ATP10A: variants seen among roughly 807,000 people sequenced by gnomAD.
The protein encoded by ATP10A is phospholipid-transporting ATPase VA.
In ATP10A, 111 loss-of-function variants were observed where a neutral mutation model predicts 147.8. The observed-to-expected ratio is 0.75, with a 90% CI of 0.64 to 0.88. The LOEUF is 0.88. ATP10A is among the 40% of genes least tolerant of loss of function. The pLI is 0.00. For synonymous variants in ATP10A, 875 were observed against 841.6 expected, an observed-to-expected ratio of 1.04 and a Z score of -0.69; for missense variants, 1,927 against 1,959.0, an observed-to-expected ratio of 0.98 and a Z score of 0.31.
chr15:25,829,233 C>T (rs1892250562), intron 1 of ATP10A, among the ~76,000 whole-genome samples: 4 of 152,116 alleles, frequency 2.6e-5, no homozygotes, highest in South Asian at 2.1e-4. Flanking sequence ...GGGGAAGGTT[C>T]GTTCAAACCT....
rs552003057 is a variant in ATP10A at position 25,809,349 on chromosome 15, T to C, written c.450-28126A>G. Among the ~76,000 whole-genome samples the C allele has an allele frequency of 2.0e-5, 3 of 152,268 alleles. No homozygotes were observed. The East Asian group carries it at 5.8e-4, about 29-fold the overall frequency. On this transcript the variant is annotated intron_variant, in intron 1 of 20. Transcript: ENST00000555815. ...AAACCTTCAGACACGGCTTACTGCATGGTGGAGGAATGGAGAACATGCATT... is the reference window on the plus strand; with the variant it reads ...AAACCTTCAGACACGGCTTACTGCACGGTGGAGGAATGGAGAACATGCATT...
intron 15 of ATP10A, among the ~76,000 whole-genome samples, chr15:25,689,937 T>C (rs925355061): frequency 1.3e-5 from 2 of 152,350 alleles, no homozygotes; most frequent in Admixed American, 6.5e-5. Flanking sequence ...ATGAGGTCAA[T>C]AGGCACTGCC....
chr15:25,803,502 T>G (rs1285192244), intron 1 of ATP10A, among the ~76,000 whole-genome samples: 1 of 152,160 alleles, frequency 6.6e-6, no homozygotes, highest in East Asian at 1.9e-4. Context: ...AGAACTGAAA[T>G]GAGGAGCCCA....
chr15:25,724,164 G>T, intron 5 of ATP10A, 143 bp from the exon 6 acceptor site: 1 of 888,878 alleles, frequency 1.1e-6, no homozygotes. Flanking sequence ...ATGTCAGAAA[G>T]CGAAAACACA....
At chr15:25,795,599 T>C (rs1285943833) in intron 1 of ATP10A, among the ~76,000 whole-genome samples, 1 of 152,218 alleles carries the variant, frequency 6.6e-6, no homozygotes, top group Admixed American at 6.5e-5. Flanking sequence ...GTAGGGGTAC[T>C]TGCTTTCCCA....
intron 1 of ATP10A, 126 bp from the exon 2 acceptor site, chr15:25,781,349 A>G: frequency 1.2e-6 from 1 of 812,840 alleles, no homozygotes; most frequent in Non-Finnish European, 1.9e-6. Context: ...TTTTGATAAT[A>G]AACAGGTGTT....
chr15:25,863,251 G>T lies in ATP10A; in HGVS notation c.-155C>A. 1 of 369,522 alleles carries T rather than the reference G, an allele frequency of 2.7e-6. No individual in the cohort carries two copies. Among genetic ancestry groups the T allele is most frequent in the Non-Finnish European group, 3.8e-6 (1 of 260,062 alleles). The allele number at this position is 369,522 out of a possible 1,614,324, so 22.9% of individuals were successfully genotyped here. ...GTCAGCGCGCCGCCTGGCCGGCCCA[G>T]CGCGCCCAGCCCGCGCCCAGCCCCG... On this transcript the variant is annotated 5_prime_UTR_variant, in exon 1 of 21. In the 5' UTR this introduces an upstream ATG that the reference lacks. Transcript: ENST00000555815.
At chr15:25,836,378 C>T (rs534506097) in intron 1 of ATP10A, among the ~76,000 whole-genome samples, 25 of 152,256 alleles carry the variant, frequency 1.6e-4, no homozygotes, top group Non-Finnish European at 3.4e-4. Flanking sequence ...TTCCTTTCCG[C>T]GGGTTGTCTG....
chr15:25,720,235 G>A (rs946177485), intron 7 of ATP10A, among the ~76,000 whole-genome samples: 1 of 152,180 alleles, frequency 6.6e-6, no homozygotes, highest in Non-Finnish European at 1.5e-5. Flanking sequence ...ATGTTCTGAT[G>A]TATGTGTACA....
intron 2 of ATP10A, among the ~76,000 whole-genome samples, chr15:25,757,765 C>T (rs984681658): frequency 6.6e-6 from 1 of 152,210 alleles, no homozygotes; most frequent in Non-Finnish European, 1.5e-5. Flanking sequence ...ATGTTCAATT[C>T]TTTGCCTTCT....
chr15:25,679,625 G>C lies in ATP10A; in HGVS notation c.4216C>G (p.Pro1406Ala), dbSNP rs377428552. 6.2e-7 allele frequency: 1 copy of C among 1,613,022 alleles called. No homozygotes were observed. The highest frequency in any genetic ancestry group is 8.5e-7 in the Non-Finnish European group (1 of 1,179,824). Residue 1406 changes from proline (P) to alanine (A), a missense_variant, in exon 21 of 21, where the codon CCA becomes GCA. By Grantham distance (27) the Pro-to-Ala change is conservative. Transcript: ENST00000555815. ...TTGGACTCCTCAGGACACCCTCCTG[G>C]ACTCCTCAGGACAGCCTCCCCTGGC... The part of the protein sequence containing the change: ...SAPGEAVLRS[P>A]GGCPEESKVR...
At chr15:25,742,571 G>C (rs1887631400) in intron 2 of ATP10A, among the ~76,000 whole-genome samples, 1 of 152,208 alleles carries the variant, frequency 6.6e-6, no homozygotes, top group South Asian at 2.1e-4. Context: ...AAGGCTCACA[G>C]TGCGGGGTTA....
intron 1 of ATP10A, among the ~76,000 whole-genome samples, chr15:25,835,050 G>A (rs1892531998): frequency 6.6e-6 from 1 of 152,076 alleles, no homozygotes; most frequent in South Asian, 2.1e-4. Flanking sequence ...ATCACTTGAG[G>A]GCAGAAGTTT....
intron 1 of ATP10A, among the ~76,000 whole-genome samples, chr15:25,799,174 C>T (rs528041813): frequency 1.8e-4 from 27 of 152,280 alleles, no homozygotes; most frequent in Non-Finnish European, 3.5e-4. Context: ...AAACAATGAT[C>T]CTTCGGTCAC....
chr15:25,769,681 A>C (rs1889235278), intron 2 of ATP10A, among the ~76,000 whole-genome samples: 1 of 151,876 alleles, frequency 6.6e-6, no homozygotes, highest in Non-Finnish European at 1.5e-5. Flanking sequence ...CAGTGGAGAG[A>C]ATTGGGATGC....
intron 1 of ATP10A, among the ~76,000 whole-genome samples, chr15:25,846,919 A>G (rs1266216029): frequency 6.6e-6 from 1 of 152,222 alleles, no homozygotes; most frequent in Non-Finnish European, 1.5e-5. Context: ...ATAAATACAC[A>G]CACCCCCACT....
At position 25,718,321 on chromosome 15, in the gene ATP10A, C is replaced by T. The variant is rs1472174425; in HGVS notation, c.1442G>A (p.Arg481His). ...VVPRGGSVSQ[R>H]GSIGSHQSVR... ...ACTCTGGTGGCTGCCGATGCTGCCGCGCTGGGACACCGAGCCCCCTCTGGG... is the reference window on the plus strand; with the variant it reads ...ACTCTGGTGGCTGCCGATGCTGCCGTGCTGGGACACCGAGCCCCCTCTGGG... The change falls in exon 8 of 21, where the codon CGC becomes CAC. Residue 481 changes from arginine to histidine, a missense_variant. Transcript: ENST00000555815. 9 of 1,611,220 alleles carry T rather than the reference C, an allele frequency of 5.6e-6. No individual in the cohort carries two copies. Among genetic ancestry groups the T allele is most frequent in the Admixed American group, 5.0e-5 (3 of 59,924 alleles).
chr15:25,742,602 A>G (rs1035419128), intron 2 of ATP10A, among the ~76,000 whole-genome samples: 1 of 152,222 alleles, frequency 6.6e-6, no homozygotes, highest in Non-Finnish European at 1.5e-5. Flanking sequence ...TCTCAAAATC[A>G]AAACCCTTTC....
chr15:25,773,330 T>A (rs1349473020), intron 2 of ATP10A, among the ~76,000 whole-genome samples: 1 of 152,160 alleles, frequency 6.6e-6, no homozygotes, highest in Non-Finnish European at 1.5e-5. Flanking sequence ...AAAATTAAGA[T>A]AACTCCAATG....
Sources: allele counts gnomAD v4.1 joint callset (sites outside exome capture counted in the v4.1 genomes callset), GRCh38; gene constraint gnomAD v4.1.1; transcripts MANE v1.5; gene names NCBI Gene and HGNC (gene_info 2026-07-23, HGNC 2026-07-21).